Variants in AMOTL1 observed in about 807,000 individuals in gnomAD.
The protein encoded by AMOTL1 is angiomotin like 1, also known as angiomotin-like protein 1.
A neutral mutation model predicts 102.9 loss-of-function variants in AMOTL1; 45 were observed. The observed-to-expected ratio is 0.44, with a 90% CI of 0.34 to 0.56. The LOEUF (loss-of-function observed/expected upper bound fraction) is 0.56, where lower values mean the gene tolerates loss of function less well. Ranked by LOEUF, AMOTL1 falls within the 20% of genes least tolerant of loss-of-function variation. The probability of loss-of-function intolerance (pLI) is 0.01; values close to 1 mark genes in which losing one functional copy is unlikely to be tolerated. For synonymous variants in AMOTL1, 481 were observed against 484.7 expected (o/e 0.99, Z 0.10); for missense variants, 1,114 against 1,225.6 (o/e 0.91, Z 1.36).
intron 1 of AMOTL1, among the ~76,000 whole-genome samples, chr11:94,773,018 T>C (rs1471329933): frequency 2.0e-5 from 3 of 152,256 alleles, no homozygotes; most frequent in Non-Finnish European, 2.9e-5. Context: ...ATATCCTCTT[T>C]GGCGAAATAA....
chr11:94,739,803 GT>G (rs1459658365), intron 2 of AMOTL1, among the ~76,000 whole-genome samples: 1 of 152,196 alleles, frequency 6.6e-6, no homozygotes, highest in Non-Finnish European at 1.5e-5. Context: ...AGCAGTCACA[GT>G]CAGTCCTGGG....
intron 1 of AMOTL1, among the ~76,000 whole-genome samples, chr11:94,773,109 TGCAA>T (rs995910052): frequency 6.6e-6 from 1 of 152,268 alleles, no homozygotes; most frequent in African/African-American, 2.4e-5. Flanking sequence ...ATATTCTAGA[TGCAA>T]GTCCTTAGTC....
At position 94,854,008 on chromosome 11, in the gene AMOTL1, G is replaced by A; in HGVS notation, c.1870G>A (p.Glu624Lys). The A allele has an allele frequency of 6.3e-7, 1 of 1,586,286 alleles. No individual in the cohort carries two copies. Among genetic ancestry groups the A allele is most frequent in the South Asian group, 1.2e-5 (1 of 86,948 alleles). ...CCTGACCCAGCTGCAGTCTGCATGT[G>A]AGAAGCGAGAACAGATGGAGCGGAG... ...QALTQLQSAC[E>K]KREQMERRLR... The change falls in exon 8 of 13, where the codon GAG becomes AAG. Residue 624 changes from glutamate (E) to lysine (K), a missense_variant. By Grantham distance (56) the Glu-to-Lys change is moderately conservative. Coordinates refer to ENST00000433060, the MANE Select transcript of AMOTL1 (RefSeq NM_130847.3).
chr11:94,791,832 A>G (rs996532158), intron 1 of AMOTL1, among the ~76,000 whole-genome samples: 2 of 152,222 alleles, frequency 1.3e-5, no homozygotes, highest in Admixed American at 6.5e-5. Flanking sequence ...TGTCGCTTAG[A>G]TCATGTGCCC....
intron 11 of AMOTL1, chr11:94,866,454 A>C: frequency 2.4e-6 from 1 of 423,422 alleles, no homozygotes. Flanking sequence ...AAAGGCTCTC[A>C]TAGAAAAGCC....
At chr11:94,768,347 G>A (rs1950884183), upstream of AMOTL1, 1 of 1,367,754 alleles carries the variant, frequency 7.3e-7, no homozygotes. Flanking sequence ...GAGCGCGGAC[G>A]GCGGCGGGAG....
intron 6 of AMOTL1, among the ~76,000 whole-genome samples, chr11:94,833,945 T>G (rs147021044): frequency 4.5e-4 from 69 of 152,296 alleles, no homozygotes; most frequent in Middle Eastern, 3.4e-3. Context: ...GATTAGATAA[T>G]GACTTAAGGT....
intron 1 of AMOTL1, among the ~76,000 whole-genome samples, chr11:94,715,320 C>A (rs982449972): frequency 6.6e-6 from 1 of 152,092 alleles, no homozygotes; most frequent in African/African-American, 2.4e-5. Context: ...ATGGATGCCA[C>A]CACTCCCAGC....
chr11:94,802,027 G>C (rs1192821979), intron 3 of AMOTL1, among the ~76,000 whole-genome samples: 1 of 152,230 alleles, frequency 6.6e-6, no homozygotes, highest in Non-Finnish European at 1.5e-5. Flanking sequence ...GGCAGAGGGA[G>C]AGTGGCCTGA....
chr11:94,867,965 C>T (rs1476879464), intron 11 of AMOTL1, among the ~76,000 whole-genome samples: 1 of 152,186 alleles, frequency 6.6e-6, no homozygotes, highest in Non-Finnish European at 1.5e-5. Context: ...AGGATAAGGC[C>T]TGTCTCGCAG....
intron 3 of AMOTL1, among the ~76,000 whole-genome samples, chr11:94,812,654 T>C (rs1172457718): frequency 6.6e-6 from 1 of 152,302 alleles, no homozygotes; most frequent in Non-Finnish European, 1.5e-5. Flanking sequence ...GTAGCTATCT[T>C]ATTTAAGAAT....
chr11:94,832,742 C>T (rs1258770687), intron 6 of AMOTL1, among the ~76,000 whole-genome samples: 1 of 152,194 alleles, frequency 6.6e-6, no homozygotes, highest in East Asian at 1.9e-4. Flanking sequence ...GTCTTTACTA[C>T]TTGCATTTAA....
chr11:94,853,941 G>A lies in AMOTL1; in HGVS notation c.1803G>A (p.Glu601=), dbSNP rs1420061082. 6 of 1,608,976 alleles carry A rather than the reference G, an allele frequency of 3.7e-6. No homozygotes were observed. The highest frequency in any genetic ancestry group is 5.1e-6 in the Non-Finnish European group (6 of 1,177,544). Reference sequence around the variant, plus strand: ...TACTCTTCTCCACTCAGTTACGAGAGAAGCAAGCATATGTTGAGAAAGTTG... The same window carrying A: ...TACTCTTCTCCACTCAGTTACGAGAAAAGCAAGCATATGTTGAGAAAGTTG... ...RVIKLEEELR[E]KQAYVEKVEK... is the part of the protein sequence containing the mutation. The change falls in exon 8 of 13, where the codon GAG becomes GAA. Residue 601 remains glutamate, a synonymous_variant. Transcript: ENST00000433060.
intron 1 of AMOTL1, among the ~76,000 whole-genome samples, chr11:94,726,204 C>T (rs1052188571): frequency 4.3e-4 from 65 of 152,258 alleles, no homozygotes; most frequent in African/African-American, 1.5e-3. Context: ...GAGTTCTGGT[C>T]TACGGGTTTT....
chr11:94,844,996 T>G (rs182915241), intron 6 of AMOTL1, among the ~76,000 whole-genome samples: 41 of 152,304 alleles, frequency 2.7e-4, no homozygotes, highest in Admixed American at 2.1e-3. Context: ...AAGTGCTGGC[T>G]TACAGGTTTG....
In AMOTL1 at chr11:94,869,482, G is replaced by C; in HGVS notation, c.2764+9G>C. Reference sequence around the variant, plus strand: ...GACCGCAGAGAAACTGGGTATGTGGGCTACCCCACCTTGATGCCCCTGAAA... The same window carrying C: ...GACCGCAGAGAAACTGGGTATGTGGCCTACCCCACCTTGATGCCCCTGAAA... On this transcript the variant is annotated intron_variant, in intron 12 of 12. Transcript: ENST00000433060. 6.3e-7 allele frequency: 1 copy of C among 1,585,440 alleles called. No homozygotes were observed. Among genetic ancestry groups the C allele is most frequent in the South Asian group, 1.2e-5 (1 of 86,816 alleles).
At chr11:94,797,864 A>G (rs1332602026) in intron 2 of AMOTL1, among the ~76,000 whole-genome samples, 2 of 152,244 alleles carry the variant, frequency 1.3e-5, no homozygotes, top group Admixed American at 1.3e-4. Flanking sequence ...CTGCTACACC[A>G]TATGATAGAA....
intron 3 of AMOTL1, among the ~76,000 whole-genome samples, chr11:94,750,136 G>A (rs1214878385): frequency 6.6e-6 from 1 of 152,114 alleles, no homozygotes; most frequent in East Asian, 1.9e-4. Context: ...GCATTTGCCT[G>A]CCCATCTTAC....
chr11:94,821,431 T>C, intron 3 of AMOTL1, 99 bp from the exon 4 acceptor site: 1 of 1,296,596 alleles, frequency 7.7e-7, no homozygotes. Flanking sequence ...TGATGGCCTC[T>C]GACCATGGAA....
Sources: allele counts gnomAD v4.1 joint callset (sites outside exome capture counted in the v4.1 genomes callset), GRCh38; gene constraint gnomAD v4.1.1; transcripts MANE v1.5; gene names NCBI Gene and HGNC (gene_info 2026-07-23, HGNC 2026-07-21).